The following TNFAIP8 variants were observed in gnomAD, a reference collection of about 807,000 sequenced individuals.
TNFAIP8 encodes TNF alpha induced protein 8.
A neutral mutation model predicts 13.3 loss-of-function variants in TNFAIP8; 7 were observed. That is an observed-to-expected ratio of 0.52 (90% CI 0.30 to 0.99). The LOEUF (loss-of-function observed/expected upper bound fraction) is 0.99. Among genes scored for constraint, TNFAIP8 ranks in the 50% least tolerant of loss-of-function variants. The probability of loss-of-function intolerance (pLI) is 0.07; values close to 1 mark genes in which losing one functional copy is unlikely to be tolerated. For missense variants in TNFAIP8, 258 were observed against 236.9 expected (o/e 1.09, Z -0.58); for synonymous variants, 94 against 87.6 (o/e 1.07, Z -0.41).
chr5:119,288,323 G>A (rs1748865551), intron 1 of TNFAIP8, among the ~76,000 whole-genome samples: 1 of 152,172 alleles, frequency 6.6e-6, no homozygotes, highest in Non-Finnish European at 1.5e-5. Flanking sequence ...TCCTGAGAGA[G>A]AAATGGAGAG....
At chr5:119,355,828 T>A, upstream of TNFAIP8, 1 of 953,698 alleles carries the variant, frequency 1.0e-6, no homozygotes, top group Non-Finnish European at 1.3e-6. Context: ...CCAGGTCGCC[T>A]CCGCCCGGCT....
At position 119,274,561 on chromosome 5, in the gene TNFAIP8, G is replaced by A. The variant is rs1335561324; in HGVS notation, c.1+5654G>A. Reference sequence around the variant, plus strand: ...CAACATCCGGTGATGACCTCTGTTTGCACACACGTAGCCACTTTGCTCCTT... The same window carrying A: ...CAACATCCGGTGATGACCTCTGTTTACACACACGTAGCCACTTTGCTCCTT... On this transcript the variant is annotated intron_variant, in intron 1 of 1. Transcript: ENST00000274456. 5.3e-5 allele frequency among the ~76,000 whole-genome samples: 8 copies of A among 152,328 alleles called. No homozygotes were observed. In the East Asian group the frequency reaches 1.5e-3, roughly 29 times the overall value.
At chr5:119,325,460 A>G (rs951119778) in intron 1 of TNFAIP8, among the ~76,000 whole-genome samples, 1 of 151,794 alleles carries the variant, frequency 6.6e-6, no homozygotes, top group Non-Finnish European at 1.5e-5. Context: ...TTATTTATTT[A>G]TTTTTGAGAC....
At chr5:119,322,442 C>A (rs1277846496) in intron 1 of TNFAIP8, among the ~76,000 whole-genome samples, 1 of 152,216 alleles carries the variant, frequency 6.6e-6, no homozygotes, top group Admixed American at 6.5e-5. Flanking sequence ...AACCTGCTCT[C>A]TTCTTGCTGC....
At position 119,396,651 on chromosome 5, in the gene TNFAIP8, C is replaced by A. The variant is rs967288043; in HGVS notation, c.*3270C>A. 6.6e-6 allele frequency: 1 copy of A among 152,066 alleles called. No homozygotes were observed. Among genetic ancestry groups the A allele is most frequent in the African/African-American group, 2.4e-5 (1 of 41,406 alleles). 9.4% of individuals were successfully genotyped at this position (152,066 alleles called of 1,614,324 possible). A position where few individuals can be genotyped will look rare whatever the true frequency, so the allele number is the denominator to read the frequency against. On this transcript the variant is annotated 3_prime_UTR_variant, in exon 2 of 2. Coordinates refer to ENST00000504771, the MANE Select transcript of TNFAIP8 (RefSeq NM_014350.4). ...TGAGCAAGTTAAGTTAAGAAATAGC[C>A]TTTTTCTGATTATTAGGCCTTTCAT...
intron 1 of TNFAIP8, among the ~76,000 whole-genome samples, chr5:119,341,672 A>G (rs956055186): frequency 2.6e-5 from 4 of 152,238 alleles, no homozygotes; most frequent in Admixed American, 1.3e-4. Flanking sequence ...GATTGGAAGC[A>G]CATCAAAAGA....
chr5:119,379,734 G>A (rs1752415890), intron 1 of TNFAIP8, among the ~76,000 whole-genome samples: 1 of 152,114 alleles, frequency 6.6e-6, no homozygotes. Flanking sequence ...GGGACCATAA[G>A]CATACACCAC....
At chr5:119,305,227 C>T (rs1749514783) in intron 1 of TNFAIP8, among the ~76,000 whole-genome samples, 1 of 152,086 alleles carries the variant, frequency 6.6e-6, no homozygotes, top group Non-Finnish European at 1.5e-5. Context: ...CATTTTCGGG[C>T]TTTCTTCCCT....
upstream of TNFAIP8, among the ~76,000 whole-genome samples, chr5:119,352,064 AG>A (rs1413813548): frequency 1.3e-5 from 2 of 152,184 alleles, no homozygotes; most frequent in Admixed American, 6.5e-5. Flanking sequence ...CTGGGATTAC[AG>A]GGGTGAGCCA....
At chr5:119,311,135 A>T (rs542250598) in intron 1 of TNFAIP8, among the ~76,000 whole-genome samples, 30 of 152,092 alleles carry the variant, frequency 2.0e-4, no homozygotes, top group African/African-American at 5.8e-4. Flanking sequence ...CGATCCTCCC[A>T]CTTCAGCCCC....
rs936464659 is a variant in TNFAIP8 at position 119,395,817 on chromosome 5, T to C, written c.*2436T>C. 1 of 152,176 alleles carries C rather than the reference T, an allele frequency of 6.6e-6. No individual in the cohort carries two copies. The highest frequency in any genetic ancestry group is 1.9e-4 in the East Asian group (1 of 5,196). 9.4% of individuals were successfully genotyped at this position (152,176 alleles called of 1,614,324 possible). A position where few individuals can be genotyped will look rare whatever the true frequency, so the allele number is the denominator to read the frequency against. ...TCCCCACGTGCTTAGGGTAGATAAA[T>C]CTGAGCCGAGTTAATACTAATTTGG... On this transcript the variant is annotated 3_prime_UTR_variant, in exon 2 of 2. Coordinates refer to ENST00000504771, the MANE Select transcript of TNFAIP8 (RefSeq NM_014350.4).
At chr5:119,358,559 A>G (rs148465506) in intron 1 of TNFAIP8, among the ~76,000 whole-genome samples, 461 of 152,336 alleles carry the variant, frequency 3.0e-3, no homozygotes, top group African/African-American at 0.011. Context: ...AATTATTCAG[A>G]CATAGAATAA....
At chr5:119,376,304 G>C (rs750476997) in intron 1 of TNFAIP8, among the ~76,000 whole-genome samples, 39 of 151,862 alleles carry the variant, frequency 2.6e-4, no homozygotes, top group Non-Finnish European at 5.0e-4. Flanking sequence ...TAGTAGAGAT[G>C]GGCTTTCACC....
At chr5:119,298,791 A>G (rs908163838) in intron 1 of TNFAIP8, among the ~76,000 whole-genome samples, 1 of 152,034 alleles carries the variant, frequency 6.6e-6, no homozygotes, top group Non-Finnish European at 1.5e-5. Context: ...TATTTCTTAG[A>G]GGCTTTGTTC....
At position 119,393,070 on chromosome 5, in the gene TNFAIP8, C is replaced by G. The variant is rs746776059; in HGVS notation, c.286C>G (p.Leu96Val). The stretch of plus-strand genomic sequence containing the variant: ...GAATAATCAGTTTAATCAAGATGAG[C>G]TAGCATTGATGGAGAAATTTAAGAA... ...YRNNQFNQDE[L>V]ALMEKFKKKV... Residue 96 changes from leucine (L) to valine (V), a missense_variant, in exon 2 of 2, where the codon CTA (leucine) becomes GTA (valine). Coordinates refer to ENST00000504771, the MANE Select transcript of TNFAIP8 (RefSeq NM_014350.4). The G allele has an allele frequency of 6.2e-6, 10 of 1,613,828 alleles. No homozygotes were observed. The highest frequency in any genetic ancestry group is 7.6e-6 in the Non-Finnish European group (9 of 1,179,812).
intron 1 of TNFAIP8, chr5:119,333,198 C>T: frequency 1.0e-6 from 1 of 995,380 alleles, no homozygotes; most frequent in Non-Finnish European, 1.2e-6. Context: ...CTCCTGTTTG[C>T]TTGTCACAGG....
intron 1 of TNFAIP8, among the ~76,000 whole-genome samples, chr5:119,376,707 G>A (rs1945185034): frequency 6.6e-6 from 1 of 152,048 alleles, no homozygotes; most frequent in Admixed American, 6.6e-5. Flanking sequence ...CAGGGAGTAC[G>A]GAAACAAAAG....
chr5:119,334,764 A>C (rs1435821949), intron 1 of TNFAIP8, among the ~76,000 whole-genome samples: 1 of 150,870 alleles, frequency 6.6e-6, no homozygotes, highest in Non-Finnish European at 1.5e-5. Context: ...ACAGAGTGAG[A>C]CTCCGTCTCA....
At chr5:119,366,090 G>T (rs1028098372) in intron 1 of TNFAIP8, among the ~76,000 whole-genome samples, 1 of 151,210 alleles carries the variant, frequency 6.6e-6, no homozygotes, top group Non-Finnish European at 1.5e-5. Flanking sequence ...AGCCTCCGAG[G>T]GAAGAAGTAG....
Sources: allele counts gnomAD v4.1 joint callset (sites outside exome capture counted in the v4.1 genomes callset), GRCh38; gene constraint gnomAD v4.1.1; transcripts MANE v1.5; gene names NCBI Gene and HGNC (gene_info 2026-07-23, HGNC 2026-07-21).